MKLN1: variants seen among roughly 807,000 people sequenced by gnomAD.
The protein encoded by MKLN1 is muskelin.
MKLN1 carries 18 observed loss-of-function variants against 99.0 expected under a neutral mutation model. The ratio of observed to expected loss-of-function variants is 0.18; its 90% CI spans 0.13 to 0.27. MKLN1 has a LOEUF of 0.27. Among genes scored for constraint, MKLN1 ranks in the 10% least tolerant of loss-of-function variants. The pLI, the probability that MKLN1 is intolerant of heterozygous loss-of-function variation, is 1.00. For synonymous variants in MKLN1, 288 were observed against 293.2 expected (o/e 0.98, Z 0.18); for missense variants, 621 against 875.9 (o/e 0.71, Z 3.67).
intron 8 of MKLN1, among the ~76,000 whole-genome samples, chr7:131,423,701 G>A (rs780798867): frequency 6.6e-6 from 1 of 152,160 alleles, no homozygotes; most frequent in Non-Finnish European, 1.5e-5. Flanking sequence ...AGAAACTTTT[G>A]AAGAGAGTGC....
chr7:131,245,055 C>T (rs1220778409), intron 3 of MKLN1, among the ~76,000 whole-genome samples: 1 of 152,170 alleles, frequency 6.6e-6, no homozygotes, highest in Non-Finnish European at 1.5e-5. Context: ...TTGTTGGTGC[C>T]TCCTGGGCAT....
chr7:131,300,979 C>A (rs948042648), intron 3 of MKLN1, among the ~76,000 whole-genome samples: 3 of 152,178 alleles, frequency 2.0e-5, no homozygotes, highest in Admixed American at 2.0e-4. Context: ...GCTCAGCTGT[C>A]AGTTACTAGC....
intron 2 of MKLN1, among the ~76,000 whole-genome samples, chr7:131,155,394 T>G (rs12706964): frequency 0.3 from 45,714 of 152,118 alleles, 8,800 homozygotes; most frequent in Non-Finnish European, 0.44. Context: ...ATTAATGCAC[T>G]GAATTATAAA....
In MKLN1 at chr7:131,491,503, T is replaced by C. The variant is rs1423508735; in HGVS notation, c.*3775T>C. ...AAATAACGCTATTCTTTTGTGGTTC[T>C]AGACCCTGGCTTCTATCTCCCTGTG... On this transcript the variant is annotated 3_prime_UTR_variant, in exon 18 of 18. Coordinates refer to ENST00000352689, the MANE Select transcript of MKLN1 (RefSeq NM_013255.5). The C allele has an allele frequency of 6.6e-6, 1 of 152,210 alleles. No homozygotes were observed. Among genetic ancestry groups the C allele is most frequent in the African/African-American group, 2.4e-5 (1 of 41,462 alleles). 9.4% of individuals were successfully genotyped at this position (152,210 alleles called of 1,614,324 possible).
intron 8 of MKLN1, among the ~76,000 whole-genome samples, chr7:131,426,150 A>G (rs561120943): frequency 4.6e-5 from 7 of 152,298 alleles, no homozygotes; most frequent in South Asian, 2.1e-4. Context: ...TCAGCTATCA[A>G]TGAGGCTGTT....
intron 12 of MKLN1, among the ~76,000 whole-genome samples, chr7:131,450,523 A>G (rs1294426626): frequency 2.0e-5 from 3 of 152,132 alleles, no homozygotes; most frequent in Non-Finnish European, 4.4e-5. Context: ...AACATAATTC[A>G]CAGACTCTTT....
chr7:131,464,871 G>A (rs1796614479), intron 14 of MKLN1, among the ~76,000 whole-genome samples: 1 of 152,282 alleles, frequency 6.6e-6, no homozygotes, highest in South Asian at 2.1e-4. Flanking sequence ...ATGGTCCTCT[G>A]TTGTGAATTT....
At chr7:131,275,904 T>G (rs559519887) in intron 3 of MKLN1, among the ~76,000 whole-genome samples, 13 of 152,266 alleles carry the variant, frequency 8.5e-5, no homozygotes, top group African/African-American at 3.1e-4. Flanking sequence ...TAACAGCGTT[T>G]GACCAAGGCA....
chr7:131,192,580 C>T (rs1796584213), intron 2 of MKLN1, among the ~76,000 whole-genome samples: 1 of 148,548 alleles, frequency 6.7e-6, no homozygotes, highest in Non-Finnish European at 1.5e-5. Context: ...CTCACCCTGT[C>T]GCCCAGGCTG....
chr7:131,178,756 A>G (rs1300539889), intron 2 of MKLN1, among the ~76,000 whole-genome samples: 2 of 152,122 alleles, frequency 1.3e-5, no homozygotes, highest in Non-Finnish European at 2.9e-5. Context: ...TCCCTGACAT[A>G]TATCTGCCCA....
At chr7:131,455,035 T>G (rs747784383) in intron 12 of MKLN1, among the ~76,000 whole-genome samples, 1 of 152,236 alleles carries the variant, frequency 6.6e-6, no homozygotes, top group Non-Finnish European at 1.5e-5. Context: ...GCTGAAAATA[T>G]CCTAACAAAT....
chr7:131,359,755 A>G (rs753183583), intron 1 of MKLN1, among the ~76,000 whole-genome samples: 5 of 150,216 alleles, frequency 3.3e-5, no homozygotes, highest in African/African-American at 4.9e-5. Flanking sequence ...ATTTTTTGAG[A>G]CAGGGTTTCA....
intron 12 of MKLN1, among the ~76,000 whole-genome samples, chr7:131,460,070 T>C (rs530413734): frequency 6.6e-6 from 1 of 152,320 alleles, no homozygotes; most frequent in South Asian, 2.1e-4. Flanking sequence ...TAGTTTCACT[T>C]TTTAGTATCT....
chr7:131,340,508 A>T (rs1167092128), intron 1 of MKLN1, among the ~76,000 whole-genome samples: 1 of 151,892 alleles, frequency 6.6e-6, no homozygotes, highest in African/African-American at 2.4e-5. Context: ...CAAACTCCTG[A>T]CCTCAGGTGA....
rs76136444 is a variant in MKLN1, at chr7:131,377,815, G to A, written c.168+2322G>A. ...TAAATATTGTCTCCTCTTGATGAGC[G>A]ACGGGTATTACATCAGATACCCTGA... On this transcript the variant is annotated intron_variant, in intron 2 of 17. Coordinates refer to ENST00000352689, the MANE Select transcript of MKLN1 (RefSeq NM_013255.5). Among the ~76,000 whole-genome samples, 57 of 152,242 alleles carry A rather than the reference G, an allele frequency of 3.7e-4. No individual in the cohort carries two copies. The East Asian group carries it at 4.4e-3, about 12-fold the overall frequency.
Position 131,488,230 on chromosome 7 carries a change from A to G in MKLN1, c.*502A>G, listed in dbSNP as rs893168054. ...TGTCACTTGTTCACCTCTTTACTTC[A>G]TTCTTAACAAGTGTATAGTTCTCTA... On this transcript the variant is annotated 3_prime_UTR_variant, in exon 18 of 18. Transcript: ENST00000352689. 1 of 151,974 alleles carries G rather than the reference A, an allele frequency of 6.6e-6. No individual in the cohort carries two copies. Among genetic ancestry groups the G allele is most frequent in the Admixed American group, 6.6e-5 (1 of 15,212 alleles). 9.4% of individuals were successfully genotyped at this position (151,974 alleles called of 1,614,324 possible). A position where few individuals can be genotyped will look rare whatever the true frequency, so the allele number is the denominator to read the frequency against.
chr7:131,249,762 C>T (rs1797548895), intron 3 of MKLN1, among the ~76,000 whole-genome samples: 1 of 152,060 alleles, frequency 6.6e-6, no homozygotes, highest in South Asian at 2.1e-4. Flanking sequence ...ACACGTAGCT[C>T]CTTGGGGATG....
intron 1 of MKLN1, among the ~76,000 whole-genome samples, chr7:131,363,496 C>T (rs1051502000): frequency 6.6e-6 from 1 of 152,040 alleles, no homozygotes; most frequent in Non-Finnish European, 1.5e-5. Flanking sequence ...GATACTTCTA[C>T]AGTCCTCTTA....
At chr7:131,383,710 A>T (rs1223914897) in intron 2 of MKLN1, among the ~76,000 whole-genome samples, 1 of 152,230 alleles carries the variant, frequency 6.6e-6, no homozygotes, top group Non-Finnish European at 1.5e-5. Flanking sequence ...TATTGAAGTC[A>T]GAAACTATGT....
Sources: allele counts gnomAD v4.1 joint callset (sites outside exome capture counted in the v4.1 genomes callset), GRCh38; gene constraint gnomAD v4.1.1; transcripts MANE v1.5; gene names NCBI Gene and HGNC (gene_info 2026-07-23, HGNC 2026-07-21).